LDLRAD3: variants seen among roughly 807,000 people sequenced by gnomAD.
LDLRAD3 encodes low-density lipoprotein receptor class A domain-containing protein 3.
LDLRAD3 carries 20 observed loss-of-function variants against 29.4 expected under a neutral mutation model. That is an observed-to-expected ratio of 0.68 (90% CI 0.48 to 0.99). The LOEUF (loss-of-function observed/expected upper bound fraction) is 0.99, where lower values mean the gene tolerates loss of function less well. Ranked by LOEUF, LDLRAD3 falls within the 50% of genes least tolerant of loss-of-function variation. The probability of loss-of-function intolerance (pLI) is 0.00; values close to 1 mark genes in which losing one functional copy is unlikely to be tolerated. For synonymous variants in LDLRAD3, 157 were observed against 192.7 expected (o/e 0.81, Z 1.53); for missense variants, 420 against 454.3 (o/e 0.92, Z 0.69).
intron 1 of LDLRAD3, among the ~76,000 whole-genome samples, chr11:35,951,296 C>T (rs1453659989): frequency 6.6e-6 from 1 of 152,126 alleles, no homozygotes; most frequent in Non-Finnish European, 1.5e-5. Flanking sequence ...CAGGTACACA[C>T]ACACAGAGAC....
At chr11:36,219,922 A>G (rs1225571752) in intron 4 of LDLRAD3, among the ~76,000 whole-genome samples, 2 of 152,266 alleles carry the variant, frequency 1.3e-5, no homozygotes, top group Admixed American at 1.3e-4. Context: ...TGCAAAACAC[A>G]TTTGTGATAA....
intron 5 of LDLRAD3, 65 bp from the exon 6 acceptor site, chr11:36,229,095 G>T: frequency 8.8e-7 from 1 of 1,132,578 alleles, no homozygotes; most frequent in Non-Finnish European, 1.3e-6. Flanking sequence ...GCTTATCTTG[G>T]CCCTAATGTG....
chr11:36,097,805 C>T (rs1483272376), intron 3 of LDLRAD3, among the ~76,000 whole-genome samples: 1 of 151,894 alleles, frequency 6.6e-6, no homozygotes, highest in Admixed American at 6.6e-5. Flanking sequence ...TTCTCCTGTA[C>T]CCCGTATATT....
chr11:36,004,523 G>A (rs1224583534), intron 1 of LDLRAD3, among the ~76,000 whole-genome samples: 1 of 152,194 alleles, frequency 6.6e-6, no homozygotes, highest in Non-Finnish European at 1.5e-5. Flanking sequence ...TTCACAGGCT[G>A]GCATTGAGTG....
intron 4 of LDLRAD3, among the ~76,000 whole-genome samples, chr11:36,143,385 ATG>A (rs1161614423): frequency 6.6e-6 from 1 of 152,238 alleles, no homozygotes; most frequent in East Asian, 1.9e-4. Flanking sequence ...CATCAGGTGA[ATG>A]TGGCTTTGAC....
intron 4 of LDLRAD3, among the ~76,000 whole-genome samples, chr11:36,226,002 A>G (rs1256753650): frequency 1.3e-5 from 2 of 152,126 alleles, no homozygotes; most frequent in Non-Finnish European, 2.9e-5. Flanking sequence ...CAGGAGGCGG[A>G]GGTTGAGTGC....
chr11:36,084,822 A>G (rs1853171698), intron 3 of LDLRAD3, among the ~76,000 whole-genome samples: 1 of 152,218 alleles, frequency 6.6e-6, no homozygotes. Flanking sequence ...ACAGCTTTGA[A>G]TCAGTGTGGA....
intron 4 of LDLRAD3, among the ~76,000 whole-genome samples, chr11:36,224,644 CACGG>C (rs1370062352): frequency 6.6e-6 from 1 of 152,168 alleles, no homozygotes; most frequent in Non-Finnish European, 1.5e-5. Context: ...GAGTGACCAC[CACGG>C]ACTTGGAGAA....
At chr11:36,168,699 C>T (rs142815025) in intron 4 of LDLRAD3, among the ~76,000 whole-genome samples, 2 of 151,970 alleles carry the variant, frequency 1.3e-5, no homozygotes, top group East Asian at 1.9e-4. Context: ...GTGTTAGAGC[C>T]GAAGTCTGAA....
At chr11:35,993,312 C>G (rs959058251) in intron 1 of LDLRAD3, among the ~76,000 whole-genome samples, 13 of 152,190 alleles carry the variant, frequency 8.5e-5, no homozygotes, top group African/African-American at 2.7e-4. Context: ...TAGGGAAGCT[C>G]AGGGCACAGA....
chr11:36,194,835 C>T (rs1855008156), intron 4 of LDLRAD3, among the ~76,000 whole-genome samples: 1 of 152,170 alleles, frequency 6.6e-6, no homozygotes, highest in Non-Finnish European at 1.5e-5. Context: ...GTGTCAAGCA[C>T]AATTTTATTT....
intron 1 of LDLRAD3, among the ~76,000 whole-genome samples, chr11:36,026,785 C>T (rs554770957): frequency 1.3e-5 from 2 of 152,200 alleles, no homozygotes; most frequent in African/African-American, 4.8e-5. Flanking sequence ...GGAAGTTACC[C>T]TATATGGTCT....
chr11:36,001,408 A>G (rs1851823370), intron 1 of LDLRAD3, among the ~76,000 whole-genome samples: 2 of 152,180 alleles, frequency 1.3e-5, no homozygotes, highest in South Asian at 4.1e-4. Context: ...CCAAAGTACA[A>G]ACTAGGATGA....
chr11:36,015,662 G>GC (rs1056795587), intron 1 of LDLRAD3, among the ~76,000 whole-genome samples: 1 of 137,376 alleles, frequency 7.3e-6, no homozygotes, highest in African/African-American at 2.8e-5. Flanking sequence ...TCCTCCCCCT[G>GC]CCCCCCGCCA....
intron 2 of LDLRAD3, among the ~76,000 whole-genome samples, chr11:36,058,518 C>T (rs1479784045): frequency 6.6e-6 from 1 of 152,192 alleles, no homozygotes; most frequent in African/African-American, 2.4e-5. Context: ...TTTAGTGGCA[C>T]TGCAAATCAA....
chr11:35,991,322 C>T (rs1851686301), intron 1 of LDLRAD3, among the ~76,000 whole-genome samples: 1 of 152,122 alleles, frequency 6.6e-6, no homozygotes. Flanking sequence ...AAAATGAGTC[C>T]TGTTATTATT....
chr11:36,111,280 C>T (rs1386407920), intron 4 of LDLRAD3, among the ~76,000 whole-genome samples: 1 of 152,110 alleles, frequency 6.6e-6, no homozygotes, highest in Non-Finnish European at 1.5e-5. Context: ...ATCGGGGAAT[C>T]GTAGACCTGT....
At chr11:36,129,574 G>T (rs1286459072) in intron 4 of LDLRAD3, among the ~76,000 whole-genome samples, 1 of 152,174 alleles carries the variant, frequency 6.6e-6, no homozygotes, top group African/African-American at 2.4e-5. Flanking sequence ...TTTGTGCCAG[G>T]TCCCTTCCCG....
intron 2 of LDLRAD3, among the ~76,000 whole-genome samples, chr11:36,076,507 T>C (rs1853007440): frequency 6.6e-6 from 1 of 151,996 alleles, no homozygotes. Context: ...TGCCTCAGCC[T>C]CCTGAGTGGC....
Sources: allele counts gnomAD v4.1 joint callset (sites outside exome capture counted in the v4.1 genomes callset), GRCh38; gene constraint gnomAD v4.1.1; transcripts MANE v1.5; gene names NCBI Gene and HGNC (gene_info 2026-07-23, HGNC 2026-07-21).